The following MORC2 variants were observed in gnomAD, a reference collection of about 807,000 sequenced individuals.
MORC2 encodes MORC family CW-type zinc finger 2.
Under a neutral mutation model 136.0 loss-of-function variants are expected in MORC2, and 30 were observed. The ratio of observed to expected loss-of-function variants is 0.22; its 90% CI spans 0.17 to 0.30. The LOEUF (loss-of-function observed/expected upper bound fraction) is 0.30, where lower values mean the gene tolerates loss of function less well. MORC2 is among the 10% of genes least tolerant of loss of function. The probability of loss-of-function intolerance (pLI) is 1.00; values close to 1 mark genes in which losing one functional copy is unlikely to be tolerated. For missense variants in MORC2, 922 were observed against 1,333.1 expected, an observed-to-expected ratio of 0.69 and a Z score of 4.80; for synonymous variants, 439 against 487.0, an observed-to-expected ratio of 0.90 and a Z score of 1.30.
chr22:30,956,994 T>C (rs2040976253), intron 2 of MORC2, among the ~76,000 whole-genome samples, 197 bp from the exon 3 acceptor site: 1 of 152,246 alleles, frequency 6.6e-6, no homozygotes, highest in Admixed American at 6.5e-5. Context: ...AAAACATTTC[T>C]GAAGCCCCAA....
intron 17 of MORC2, among the ~76,000 whole-genome samples, chr22:30,935,559 A>G (rs2040640650): frequency 6.6e-6 from 1 of 152,212 alleles, no homozygotes; most frequent in Non-Finnish European, 1.5e-5. Context: ...AAAAGTGTCA[A>G]TAGACTAAAT....
intron 24 of MORC2, among the ~76,000 whole-genome samples, chr22:30,929,204 T>G (rs2040535948): frequency 6.6e-6 from 1 of 152,218 alleles, no homozygotes; most frequent in Non-Finnish European, 1.5e-5. Flanking sequence ...TGGAGCAATC[T>G]CCAAAGTATT....
chr22:30,944,644 C>G (rs2040790860), intron 6 of MORC2, among the ~76,000 whole-genome samples: 1 of 152,134 alleles, frequency 6.6e-6, no homozygotes, highest in Non-Finnish European at 1.5e-5. Flanking sequence ...CACTCTTCCC[C>G]TCCATACTTC....
At chr22:30,965,670 A>C (rs2041117446) in intron 1 of MORC2, among the ~76,000 whole-genome samples, 1 of 152,260 alleles carries the variant, frequency 6.6e-6, no homozygotes, top group Admixed American at 6.5e-5. Context: ...AAAGTCCCAG[A>C]AAATTCCCCA....
intron 24 of MORC2, among the ~76,000 whole-genome samples, chr22:30,931,847 G>C (rs1224933568): frequency 6.6e-6 from 1 of 152,230 alleles, no homozygotes; most frequent in African/African-American, 2.4e-5. Context: ...CTCTTTTGCT[G>C]CTCACTATGA....
intron 1 of MORC2, among the ~76,000 whole-genome samples, chr22:30,961,150 G>A (rs569254222): frequency 4.6e-5 from 7 of 151,558 alleles, no homozygotes; most frequent in African/African-American, 1.2e-4. Context: ...AATTACAGGC[G>A]TGAGCCACCA....
At chr22:30,955,105 T>C (rs2040947734) in intron 3 of MORC2, among the ~76,000 whole-genome samples, 1 of 152,008 alleles carries the variant, frequency 6.6e-6, no homozygotes, top group African/African-American at 2.4e-5. Flanking sequence ...ATTAGAGGCA[T>C]GCACCACCAC....
At chr22:30,945,423 G>T (rs1002382423) in intron 6 of MORC2, among the ~76,000 whole-genome samples, 2 of 152,214 alleles carry the variant, frequency 1.3e-5, no homozygotes, top group African/African-American at 4.8e-5. Context: ...CAACACAGAT[G>T]AATTAAATTG....
At chr22:30,962,594 C>CA (rs11317522) in intron 1 of MORC2, among the ~76,000 whole-genome samples, 1,986 of 117,238 alleles carry the variant, frequency 0.017, 24 homozygotes, top group Middle Eastern at 0.044. Flanking sequence ...GACCCTGTCT[C>CA]AAAAAAAAAA....
intron 25 of MORC2, 62 bp from the exon 26 acceptor site, chr22:30,926,933 C>A: frequency 7.1e-7 from 1 of 1,403,838 alleles, no homozygotes; most frequent in South Asian, 1.2e-5. Context: ...GCTCACCTTT[C>A]CACCCTTCTC....
rs1205361725 is a variant in MORC2, at chr22:30,926,596, CACAG to C, written c.*203_*206del. 6.3e-6 allele frequency: 1 copy of C among 158,816 alleles called. No homozygotes were observed. Among genetic ancestry groups the C allele is most frequent in the Non-Finnish European group, 1.2e-5 (1 of 81,104 alleles). 9.8% of individuals were successfully genotyped at this position (158,816 alleles called of 1,614,324 possible). ...AAAAAAAAAAAAAAAAGTATGGTCT[CACAG>C]GCACAGCATCTTCTTTTAAAAAATA... On this transcript the variant is annotated 3_prime_UTR_variant, in exon 26 of 26. Transcript: ENST00000397641.
chr22:30,961,797 G>A (rs2041050239), intron 1 of MORC2, among the ~76,000 whole-genome samples: 1 of 152,144 alleles, frequency 6.6e-6, no homozygotes, highest in South Asian at 2.1e-4. Flanking sequence ...AATTTCAACT[G>A]CTTCTTAGCA....
intron 12 of MORC2, among the ~76,000 whole-genome samples, chr22:30,938,482 G>A (rs1419827680): frequency 6.6e-6 from 1 of 152,152 alleles, no homozygotes; most frequent in African/African-American, 2.4e-5. Context: ...CGAAGCTGCT[G>A]CAAATCTGTG....
chr22:30,936,700 G>A lies in MORC2; in HGVS notation c.1605-57C>T. On this transcript the variant is annotated intron_variant, in intron 16 of 25. Transcript: ENST00000397641. ...CAAACAGAGCGCCAAGCTCGGCAAGGACCTTTCTCTTCAGCCAGTCTACAC... is the reference window on the plus strand; with the variant it reads ...CAAACAGAGCGCCAAGCTCGGCAAGAACCTTTCTCTTCAGCCAGTCTACAC... The A allele has an allele frequency of 1.9e-6, 3 of 1,591,672 alleles. No homozygotes were observed. The African/African-American group carries it at 4.1e-5, about 21-fold the overall frequency.
chr22:30,961,624 G>A (rs1202415533), intron 1 of MORC2, among the ~76,000 whole-genome samples: 1 of 152,094 alleles, frequency 6.6e-6, no homozygotes, highest in Non-Finnish European at 1.5e-5. Flanking sequence ...AAAAACAAGA[G>A]CACAACCATA....
chr22:30,932,910 T>C lies in MORC2; in HGVS notation c.2501A>G (p.Asp834Gly), dbSNP rs1287094385. The C allele has an allele frequency of 1.2e-6, 2 of 1,614,050 alleles. No homozygotes were observed. The highest frequency in any genetic ancestry group is 1.7e-6 in the Non-Finnish European group (2 of 1,180,020). ...TTACCAGCGGTCTCTTGGTGTCGTG[T>C]CTGTGGGCACGTAGTCAAACTTCAC... ...WKVKFDYVPT[D>G]TTPRDRWVEK... is the part of the protein sequence containing the mutation. The change falls in exon 22 of 26, where the codon GAC becomes GGC. Residue 834 changes from aspartate to glycine, a missense_variant. Coordinates refer to ENST00000397641, the MANE Select transcript of MORC2 (RefSeq NM_001303256.3). This position sits in a 1 kb window ranked among gnomAD's most constrained non-coding sequence, Gnocchi z 4.4.
rs1479541988 is a variant in MORC2 at position 30,937,998 on chromosome 22, C to T, written c.1215-29G>A. The T allele has an allele frequency of 6.2e-7, 1 of 1,613,882 alleles. No individual in the cohort carries two copies. Among genetic ancestry groups the T allele is most frequent in the Non-Finnish European group, 8.5e-7 (1 of 1,179,854 alleles). On this transcript the variant is annotated intron_variant, in intron 13 of 25. Transcript: ENST00000397641. The surrounding 1 kb of genome is among the most constrained non-coding windows in gnomAD (Gnocchi z 4.7). ...CAGGGAGAAAGAGAACAAGCTCTGT[C>T]ACCCCACTGGCAACGCCCTCCTGCC...
intron 1 of MORC2, among the ~76,000 whole-genome samples, chr22:30,965,855 T>C (rs1051424131): frequency 4.6e-5 from 7 of 152,246 alleles, no homozygotes; most frequent in Non-Finnish European, 7.3e-5. Context: ...CTTTGCTTTA[T>C]AGACAAGCAA....
rs2040487227 is a variant in MORC2, at chr22:30,926,588, T to TAAAAAAA, written c.*214_*215insTTTTTTT. ...AAAAAAAAAAAAAAAAAAAAAAAAGTATGGTCTCACAGGCACAGCATCTTC... is the reference window on the plus strand; with the variant it reads ...AAAAAAAAAAAAAAAAAAAAAAAAGTAAAAAAAATGGTCTCACAGGCACAGCATCTTC... On this transcript the variant is annotated 3_prime_UTR_variant, in exon 26 of 26. Transcript: ENST00000397641. 4.3e-5 allele frequency: 4 copies of TAAAAAAA among 93,112 alleles called. No homozygotes were observed. The highest frequency in any genetic ancestry group is 7.8e-5 in the Non-Finnish European group (4 of 51,406). The allele number at this position is 93,112 out of a possible 1,614,324, so 5.8% of individuals were successfully genotyped here. A position where few individuals can be genotyped will look rare whatever the true frequency, so the allele number is the denominator to read the frequency against.
Sources: gnomAD v4.1 joint callset for allele counts (sites outside exome capture counted in the v4.1 genomes callset) on GRCh38, gnomAD v4.1.1 for gene constraint, Gnocchi (gnomAD v3.1) non-coding constraint, MANE v1.5 for transcripts, NCBI Gene and HGNC (gene_info 2026-07-23, HGNC 2026-07-21) for gene names.